Variants in NAV3 observed in about 807,000 individuals in gnomAD.
NAV3 encodes the protein neuron navigator 3, also known as pore membrane and/or filament interacting like protein 1.
A neutral mutation model predicts 244.7 loss-of-function variants in NAV3; 87 were observed. The ratio of observed to expected loss-of-function variants is 0.36; its 90% CI spans 0.30 to 0.42. NAV3 has a LOEUF of 0.42. NAV3 is among the 20% of genes least tolerant of loss of function. The pLI is 1.00. For missense variants in NAV3, 2,663 were observed against 2,893.3 expected, an observed-to-expected ratio of 0.92 and a Z score of 1.83; for synonymous variants, 1,126 against 1,042.2, an observed-to-expected ratio of 1.08 and a Z score of -1.55.
intron 38 of NAV3, among the ~76,000 whole-genome samples, chr12:78,203,530 T>G (rs1018403318): frequency 6.6e-6 from 1 of 152,076 alleles, no homozygotes; most frequent in African/African-American, 2.4e-5. Context: ...TCCCTTTTAT[T>G]TTAGGTAAGT....
intron 1 of NAV3, among the ~76,000 whole-genome samples, chr12:77,885,262 A>G (rs1883147854): frequency 6.6e-6 from 1 of 152,140 alleles, no homozygotes; most frequent in African/African-American, 2.4e-5. Context: ...AGAGTCACAG[A>G]GATGGAAACA....
intron 3 of NAV3, chr12:77,950,437 T>C (rs1353286596): frequency 6.6e-6 from 1 of 152,184 alleles, no homozygotes; most frequent in African/African-American, 2.4e-5. Context: ...TTTCATATGC[T>C]TATATGTCTT....
chr12:77,911,071 A>G (rs1161771114), intron 1 of NAV3, among the ~76,000 whole-genome samples: 1 of 152,102 alleles, frequency 6.6e-6, no homozygotes, highest in Non-Finnish European at 1.5e-5. Context: ...TACTGTGTTT[A>G]CTATAGAGAT....
chr12:77,999,843 A>C (rs1047914939), intron 7 of NAV3, among the ~76,000 whole-genome samples: 2 of 152,160 alleles, frequency 1.3e-5, no homozygotes, highest in Non-Finnish European at 2.9e-5. Context: ...ATATTATACA[A>C]GTTCAGGCTA....
intron 2 of NAV3, among the ~76,000 whole-genome samples, chr12:77,784,982 AT>A (rs1870838508): frequency 6.6e-6 from 1 of 152,110 alleles, no homozygotes; most frequent in South Asian, 2.1e-4. Context: ...GGAAGGATGA[AT>A]TTGGGTACAG....
At chr12:78,112,333 T>C (rs2138422200) in intron 12 of NAV3, among the ~76,000 whole-genome samples, 1 of 152,304 alleles carries the variant, frequency 6.6e-6, no homozygotes. Context: ...AATGTGAGCT[T>C]TTTATATCCT....
intron 2 of NAV3, among the ~76,000 whole-genome samples, chr12:77,740,815 C>T: frequency 6.6e-6 from 1 of 152,010 alleles, no homozygotes; most frequent in East Asian, 1.9e-4. Context: ...AGAAGTAGAA[C>T]ATTTGTTCTA....
intron 2 of NAV3, among the ~76,000 whole-genome samples, chr12:77,606,509 T>C (rs1870676730): frequency 2.6e-5 from 4 of 152,178 alleles, no homozygotes; most frequent in Admixed American, 2.0e-4. Context: ...TCTGCTACAA[T>C]GTGAGTAACT....
intron 1 of NAV3, among the ~76,000 whole-genome samples, chr12:77,885,996 A>G (rs1307212023): frequency 6.6e-6 from 1 of 152,126 alleles, no homozygotes; most frequent in African/African-American, 2.4e-5. Flanking sequence ...ACAAATCTTC[A>G]GTTCTCCCCT....
At chr12:78,010,694 A>T (rs941394460) in intron 8 of NAV3, 3 of 152,130 alleles carry the variant, frequency 2.0e-5, no homozygotes, top group Non-Finnish European at 2.9e-5. Context: ...GAACTCATTT[A>T]TAATTGAAAA....
chr12:77,917,661 G>A (rs1314282920), intron 1 of NAV3, among the ~76,000 whole-genome samples: 1 of 151,988 alleles, frequency 6.6e-6, no homozygotes, highest in Non-Finnish European at 1.5e-5. Flanking sequence ...CATGTGTGGA[G>A]CTATGAATGG....
chr12:77,687,391 G>A (rs1364108585), intron 2 of NAV3, among the ~76,000 whole-genome samples: 1 of 151,992 alleles, frequency 6.6e-6, no homozygotes, highest in East Asian at 1.9e-4. Context: ...CCGTATTAGA[G>A]CCCATATTCA....
chr12:78,049,929 G>T (rs1360717441), intron 9 of NAV3, 64 bp from the exon 10 acceptor site: 4 of 1,023,068 alleles, frequency 3.9e-6, no homozygotes, highest in Middle Eastern at 2.1e-4. Context: ...AATTATCTAG[G>T]TATACAATTA....
At chr12:77,793,944 T>C (rs933435774) in intron 2 of NAV3, among the ~76,000 whole-genome samples, 5 of 152,168 alleles carry the variant, frequency 3.3e-5, no homozygotes, top group African/African-American at 1.2e-4. Context: ...CCACCAACAG[T>C]GTAAAGCATT....
intron 2 of NAV3, among the ~76,000 whole-genome samples, chr12:77,581,377 A>AT (rs1869357036): frequency 6.6e-6 from 1 of 152,240 alleles, no homozygotes; most frequent in East Asian, 1.9e-4. Context: ...TTCATGATCA[A>AT]TTTTTCATCT....
intron 1 of NAV3, among the ~76,000 whole-genome samples, chr12:77,908,478 A>C (rs11833137): frequency 6.6e-6 from 1 of 152,086 alleles, no homozygotes; most frequent in African/African-American, 2.4e-5. Flanking sequence ...AGGAGAAAAA[A>C]CAATGATACA....
Position 78,177,136 on chromosome 12 carries a change from T to G in NAV3, c.5125-5T>G. ...CAAGAAGGGTAATTTCTGTCCTTGT[T>G]TCAGCTGAGAAGTTCTTTCAAACAA... On this transcript the variant is annotated splice_polypyrimidine_tract_variant and splice_region_variant and intron_variant, in intron 26 of 39. Transcript: ENST00000397909. The G allele has an allele frequency of 6.2e-7, 1 of 1,613,252 alleles. No homozygotes were observed. The highest frequency in any genetic ancestry group is 8.5e-7 in the Non-Finnish European group (1 of 1,179,510).
chr12:77,725,320 G>A (rs10777381), intron 2 of NAV3, among the ~76,000 whole-genome samples: 96,880 of 151,852 alleles, frequency 0.64, 34,946 homozygotes, highest in East Asian at 0.88. Context: ...ATCAAACTAT[G>A]TAGACATTTT....
chr12:77,836,003 A>G (rs1565840627), intron 1 of NAV3, among the ~76,000 whole-genome samples: 1 of 152,126 alleles, frequency 6.6e-6, no homozygotes, highest in Non-Finnish European at 1.5e-5. Context: ...ATCCTCCACA[A>G]TATTTCAAGG....
Sources: gnomAD v4.1 joint callset for allele counts (sites outside exome capture counted in the v4.1 genomes callset) on GRCh38, gnomAD v4.1.1 for gene constraint, MANE v1.5 for transcripts, NCBI Gene and HGNC (gene_info 2026-07-23, HGNC 2026-07-21) for gene names.